DNAH3: variants seen among roughly 807,000 people sequenced by gnomAD.
DNAH3 encodes the protein dynein axonemal heavy chain 3.
Under a neutral mutation model 432.5 loss-of-function variants are expected in DNAH3, and 332 were observed. That is an observed-to-expected ratio of 0.77 (90% confidence interval 0.70 to 0.84). The LOEUF is 0.84. Ranked by LOEUF, DNAH3 falls within the 40% of genes least tolerant of loss-of-function variation. The pLI, the probability that DNAH3 is intolerant of heterozygous loss-of-function variation, is 0.00. For missense variants in DNAH3, 4,861 were observed against 5,114.0 expected (o/e 0.95, Z 1.51); for synonymous variants, 1,956 against 1,900.2 (o/e 1.03, Z -0.76).
At chr16:21,064,746 A>G (rs1222704513) in intron 24 of DNAH3, among the ~76,000 whole-genome samples, 4 of 152,168 alleles carry the variant, frequency 2.6e-5, no homozygotes, top group African/African-American at 9.7e-5. Context: ...TTTTTTAGCA[A>G]TCTGTATTTT....
At chr16:21,125,104 CAG>C (rs756969736) in intron 9 of DNAH3, 69 bp downstream of exon 10, 24 of 1,323,950 alleles carry the variant, frequency 1.8e-5, no homozygotes, top group South Asian at 3.2e-5. Flanking sequence ...ACGTACATGA[CAG>C]AGTCCTGGCT....
chr16:21,089,844 A>G (rs1486097782), intron 18 of DNAH3, among the ~76,000 whole-genome samples: 1 of 152,124 alleles, frequency 6.6e-6, no homozygotes, highest in Non-Finnish European at 1.5e-5. Flanking sequence ...TGAAAACAAA[A>G]ATAATAAGAA....
intron 41 of DNAH3, among the ~76,000 whole-genome samples, chr16:21,005,671 G>A (rs1013561356): frequency 1.4e-5 from 2 of 146,992 alleles, no homozygotes; most frequent in African/African-American, 5.0e-5. Context: ...GAGCCACCAT[G>A]CCCAGCCTCA....
chr16:20,970,429 TAGA>T (rs749246115), intron 51 of DNAH3, among the ~76,000 whole-genome samples: 5 of 152,022 alleles, frequency 3.3e-5, no homozygotes, highest in South Asian at 4.1e-4. Flanking sequence ...GAGGCTGAGG[TAGA>T]AGAATTGCCT....
chr16:20,951,996 G>A (rs2152581925), intron 56 of DNAH3, among the ~76,000 whole-genome samples: 1 of 152,074 alleles, frequency 6.6e-6, no homozygotes, highest in Non-Finnish European at 1.5e-5. Context: ...GCCTGCCTCA[G>A]CCTCCCAAAG....
chr16:21,037,760 C>A lies in DNAH3; in HGVS notation c.4950+1G>T, dbSNP rs2089243971. The A allele has an allele frequency of 6.2e-7, 1 of 1,613,914 alleles. No homozygotes were observed. Among genetic ancestry groups the A allele is most frequent in the African/African-American group, 1.3e-5 (1 of 74,918 alleles). On this transcript the variant is annotated splice_donor_variant, in intron 34 of 61. Transcript: ENST00000261383. LOFTEE classifies it high-confidence loss of function. ...GGCCAAGGTCCTGAACCGCTACATA[C>A]CTGAAACAGAGGGACATCTTGCGCT...
At chr16:21,045,028 T>C (rs983702434) in intron 31 of DNAH3, among the ~76,000 whole-genome samples, 2 of 152,176 alleles carry the variant, frequency 1.3e-5, no homozygotes, top group Non-Finnish European at 2.9e-5. Context: ...TGAAGCCTAC[T>C]TGATCAGGGT....
At chr16:20,969,086 C>CTG (rs56928155) in intron 52 of DNAH3, among the ~76,000 whole-genome samples, 3,049 of 146,402 alleles carry the variant, frequency 0.021, 37 homozygotes, top group East Asian at 0.049. Flanking sequence ...TTTTCTTTCT[C>CTG]TGTGTGTGTG....
rs559774893 is a variant in DNAH3 at position 20,943,991 on chromosome 16, A to G, written c.11511+505T>C. Among the ~76,000 whole-genome samples, 55 of 152,078 alleles carry G rather than the reference A, an allele frequency of 3.6e-4. 1 individual carries two copies. The highest frequency in any genetic ancestry group is 9.7e-4 in the East Asian group (5 of 5,170). ...CGAGCCAAACCGTGTCTCAAAAAAAAAAAAGAAAAGAAAAGAAAAACAGCA... is the reference window on the plus strand; with the variant it reads ...CGAGCCAAACCGTGTCTCAAAAAAAGAAAAGAAAAGAAAAGAAAAACAGCA... On this transcript the variant is annotated intron_variant, in intron 58 of 61. Transcript: ENST00000261383.
chr16:21,023,459 C>A (rs1049714693), intron 39 of DNAH3, among the ~76,000 whole-genome samples: 1 of 152,084 alleles, frequency 6.6e-6, no homozygotes, highest in East Asian at 1.9e-4. Flanking sequence ...GGTAAAGAAG[C>A]CTTCCTGGAG....
intron 23 of DNAH3, 106 bp from the exon 24 acceptor site, chr16:21,067,525 G>A (rs1597294177): frequency 8.2e-7 from 1 of 1,215,686 alleles, no homozygotes; most frequent in African/African-American, 1.5e-5. Context: ...TCCTTGTCCA[G>A]CTAACTGCCT....
intron 50 of DNAH3, among the ~76,000 whole-genome samples, chr16:20,978,508 AAG>A (rs1485238987): frequency 1.3e-5 from 2 of 152,142 alleles, no homozygotes; most frequent in African/African-American, 2.4e-5. Flanking sequence ...CAGCCTCAGT[AAG>A]AGAGAGATTG....
At chr16:20,953,882 T>TTACA (rs1322790142) in intron 55 of DNAH3, among the ~76,000 whole-genome samples, 1 of 152,056 alleles carries the variant, frequency 6.6e-6, no homozygotes, top group African/African-American at 2.4e-5. Context: ...AGTACTGGGA[T>TTACA]TACAGGCTTG....
chr16:21,104,849 G>A (rs1282378874), intron 15 of DNAH3, among the ~76,000 whole-genome samples: 1 of 152,188 alleles, frequency 6.6e-6, no homozygotes, highest in Admixed American at 6.5e-5. Context: ...ACTGCTAGAA[G>A]GCATCAGAGA....
chr16:21,042,135 C>T, exon 32 of DNAH3: 1 of 1,613,536 alleles, frequency 6.2e-7, no homozygotes, highest in South Asian at 1.1e-5. Flanking sequence ...AGATGAATGT[C>T]TTTAGCTTCC....
chr16:20,965,402 C>T, exon 53 of DNAH3: 2 of 1,526,196 alleles, frequency 1.3e-6, no homozygotes, highest in Non-Finnish European at 1.8e-6. Flanking sequence ...TTGGATACCC[C>T]CCAGTAATCT....
chr16:21,007,713 T>C lies in DNAH3; in HGVS notation c.6023-4506A>G, dbSNP rs140245369. 5.3e-5 allele frequency among the ~76,000 whole-genome samples: 8 copies of C among 152,328 alleles called. No homozygotes were observed. The East Asian group carries it at 1.5e-3, about 29-fold the overall frequency. On this transcript the variant is annotated intron_variant, in intron 41 of 61. Transcript: ENST00000261383. Reference sequence around the variant, plus strand: ...ACGAAAGTTTTTAATTTTAATGATGTTCAGTTTACCTATTTTTTCTTTTGT... The same window carrying C: ...ACGAAAGTTTTTAATTTTAATGATGCTCAGTTTACCTATTTTTTCTTTTGT...
At chr16:21,037,432 AT>A (rs1352679817) in intron 34 of DNAH3, among the ~76,000 whole-genome samples, 1 of 152,256 alleles carries the variant, frequency 6.6e-6, no homozygotes, top group Non-Finnish European at 1.5e-5. Context: ...CAAGATAGTA[AT>A]GACTTCTGTC....
At chr16:21,048,515 A>G (rs2089812559) in intron 31 of DNAH3, among the ~76,000 whole-genome samples, 1 of 152,154 alleles carries the variant, frequency 6.6e-6, no homozygotes, top group Non-Finnish European at 1.5e-5. Context: ...AGGTGAGGCA[A>G]TGCCTCGCCC....
Sources: gnomAD v4.1 joint callset for allele counts (sites outside exome capture counted in the v4.1 genomes callset) on GRCh38, gnomAD v4.1.1 for gene constraint, MANE v1.5 for transcripts, NCBI Gene and HGNC (gene_info 2026-07-23, HGNC 2026-07-21) for gene names.